The following TENM1 variants were observed in gnomAD, a reference collection of about 807,000 sequenced individuals.
TENM1 encodes the protein teneurin-1.
A neutral mutation model predicts 174.8 loss-of-function variants in TENM1; 35 were observed. The observed-to-expected ratio is 0.20, with a 90% CI of 0.15 to 0.27. The LOEUF (loss-of-function observed/expected upper bound fraction) is 0.27. TENM1 is among the 10% of genes least tolerant of loss of function. TENM1 has a pLI of 1.00. For missense variants in TENM1, 1,633 were observed against 2,130.1 expected, an observed-to-expected ratio of 0.77 and a Z score of 4.59; for synonymous variants, 781 against 798.7, an observed-to-expected ratio of 0.98 and a Z score of 0.37.
chrX:124,524,120 C>T (rs2047919440), intron 16 of TENM1, among the ~76,000 whole-genome samples: 1 of 110,822 alleles, frequency 9.0e-6, no homozygotes, highest in African/African-American at 3.3e-5. Context: ...AGATGATTCA[C>T]CCGCCTTGGC....
In TENM1 at chrX:124,849,121, T is replaced by C. The variant is rs1430193490; in HGVS notation, c.535+45175A>G. Among the ~76,000 whole-genome samples the C allele has an allele frequency of 3.6e-5, 4 of 111,492 alleles. No individual in the cohort carries two copies. In the East Asian group the frequency reaches 1.1e-3, roughly 31 times the overall value. On this transcript the variant is annotated intron_variant, in intron 3 of 31. Coordinates refer to ENST00000422452, the Ensembl canonical transcript of TENM1. ...GAAAAAGAAACATGAGGTATTTGCATGTTGAATTAGGCATGTTAAACTATT... is the reference window on the plus strand; with the variant it reads ...GAAAAAGAAACATGAGGTATTTGCACGTTGAATTAGGCATGTTAAACTATT...
chrX:124,985,344 A>C, the TENM1 span, among the ~76,000 whole-genome samples: 1 of 112,406 alleles, frequency 8.9e-6, no homozygotes, highest in African/African-American at 3.2e-5. Context: ...ATCTTGCTAA[A>C]TTTATTTAAA....
At chrX:124,963,911 A>G, upstream of TENM1, 1 of 461,701 alleles carries the variant, frequency 2.2e-6, no homozygotes, top group Non-Finnish European at 3.7e-6. Flanking sequence ...TGATAATACC[A>G]TCAAAGGAGA....
chrX:125,199,220 A>G, the TENM1 span, among the ~76,000 whole-genome samples: 11 of 111,847 alleles, frequency 9.8e-5, no homozygotes, highest in East Asian at 3.1e-3. Context: ...GATGTTTTTC[A>G]CCCCAAACAG....
At chrX:124,867,589 T>C (rs2057030714) in intron 3 of TENM1, among the ~76,000 whole-genome samples, 2 of 112,233 alleles carry the variant, frequency 1.8e-5, no homozygotes, top group East Asian at 2.8e-4. Flanking sequence ...GTGACAAATA[T>C]GTCCACTGTT....
At chrX:125,132,905 A>G in the TENM1 span, among the ~76,000 whole-genome samples, 2 of 112,128 alleles carry the variant, frequency 1.8e-5, no homozygotes, top group Non-Finnish European at 3.8e-5. Context: ...CACACTCATA[A>G]CATTATTATG....
chrX:124,453,552 G>C (rs1216123201), intron 22 of TENM1, 61 bp from the exon 26 acceptor site: 2 of 1,063,300 alleles, frequency 1.9e-6, no homozygotes, highest in Non-Finnish European at 2.5e-6. Context: ...ACTAAGCTCT[G>C]TATTTTGAAA....
chrX:125,200,944 C>T, the TENM1 span, among the ~76,000 whole-genome samples: 1 of 111,371 alleles, frequency 9.0e-6, no homozygotes, highest in South Asian at 3.7e-4. Context: ...TATATGGACT[C>T]CAAATGTCTA....
chrX:125,047,063 A>G, the TENM1 span, among the ~76,000 whole-genome samples: 2 of 111,263 alleles, frequency 1.8e-5, no homozygotes, highest in African/African-American at 6.5e-5. Flanking sequence ...TGTTTATTTT[A>G]TGCATATATT....
At chrX:124,737,447 G>C (rs1471562464) in intron 3 of TENM1, among the ~76,000 whole-genome samples, 1 of 112,018 alleles carries the variant, frequency 8.9e-6, no homozygotes, top group Non-Finnish European at 1.9e-5. Flanking sequence ...CAGCTAAAAA[G>C]TAAATGAGGC....
intron 4 of TENM1, among the ~76,000 whole-genome samples, chrX:124,713,499 C>T (rs1270880890): frequency 8.9e-6 from 1 of 111,774 alleles, no homozygotes; most frequent in African/African-American, 3.3e-5. Flanking sequence ...AACTCCCACC[C>T]TCAGGTGATC....
intron 20 of TENM1, among the ~76,000 whole-genome samples, chrX:124,491,961 T>C (rs2047077373): frequency 8.9e-6 from 1 of 111,763 alleles, no homozygotes; most frequent in Non-Finnish European, 1.9e-5. Context: ...TACACATCTG[T>C]GGATCTCTAA....
chrX:124,562,931 A>G (rs1050291827), intron 13 of TENM1, among the ~76,000 whole-genome samples: 2 of 112,417 alleles, frequency 1.8e-5, no homozygotes, highest in Admixed American at 1.9e-4. Flanking sequence ...TTCCTTCTAA[A>G]TAGTTTTCCA....
chrX:124,500,400 C>G (rs964420065), intron 19 of TENM1, among the ~76,000 whole-genome samples: 2 of 112,158 alleles, frequency 1.8e-5, no homozygotes, highest in African/African-American at 3.2e-5. Context: ...TGATTTAACA[C>G]CAATTCTTTT....
At chrX:124,787,359 G>A (rs2055062810) in intron 3 of TENM1, among the ~76,000 whole-genome samples, 1 of 111,480 alleles carries the variant, frequency 9.0e-6, no homozygotes, top group Non-Finnish European at 1.9e-5. Context: ...CTTTGGGAAA[G>A]TTTACCCTCT....
At chrX:124,995,183 CCTAA>C in the TENM1 span, among the ~76,000 whole-genome samples, 2 of 111,022 alleles carry the variant, frequency 1.8e-5, no homozygotes, top group African/African-American at 6.5e-5. Context: ...TTCTGACCTT[CCTAA>C]CTATGTCAAA....
chrX:124,827,186 G>T (rs1175429087), intron 3 of TENM1, among the ~76,000 whole-genome samples: 1 of 111,092 alleles, frequency 9.0e-6, no homozygotes, highest in Non-Finnish European at 1.9e-5. Flanking sequence ...GAGTAGCTGG[G>T]ATTACAGGAG....
At chrX:124,400,366 G>C (rs924549052) in intron 27 of TENM1, among the ~76,000 whole-genome samples, 63 of 111,668 alleles carry the variant, frequency 5.6e-4, no homozygotes, top group African/African-American at 1.8e-3. Context: ...TTGTCAGCCT[G>C]AGACCCTGTG....
intron 3 of TENM1, among the ~76,000 whole-genome samples, chrX:124,748,114 C>A (rs1465635949): frequency 9.0e-6 from 1 of 111,046 alleles, no homozygotes; most frequent in Non-Finnish European, 1.9e-5. Flanking sequence ...CATTTGGAAA[C>A]TGCTTATGTA....
Sources: gnomAD v4.1 joint callset for allele counts (sites outside exome capture counted in the v4.1 genomes callset) on GRCh38, gnomAD v4.1.1 for gene constraint, MANE v1.5 for transcripts, NCBI Gene and HGNC (gene_info 2026-07-23, HGNC 2026-07-21) for gene names.